Variants in KIF4A observed in about 807,000 individuals in gnomAD.
KIF4A encodes the protein chromosome-associated kinesin KIF4A.
In KIF4A, 7 loss-of-function variants were observed where a neutral mutation model predicts 105.9. The ratio of observed to expected loss-of-function variants is 0.07; its 90% CI spans 0.04 to 0.12. KIF4A has a LOEUF of 0.12. KIF4A is among the 10% of genes least tolerant of loss of function. KIF4A has a pLI of 1.00. For missense variants in KIF4A, 558 were observed against 929.2 expected (o/e 0.60, Z 5.19); for synonymous variants, 281 against 331.3 (o/e 0.85, Z 1.65).
intron 9 of KIF4A, among the ~76,000 whole-genome samples, chrX:70,331,829 G>A (rs182945501): frequency 3.6e-5 from 4 of 112,593 alleles, no homozygotes; most frequent in Admixed American, 1.9e-4. Context: ...CCTGGCTGCT[G>A]TATAGAAATG....
At chrX:70,366,635 T>TCTTTTA (rs1171964965) in intron 15 of KIF4A, among the ~76,000 whole-genome samples, 1 of 112,183 alleles carries the variant, frequency 8.9e-6, no homozygotes, top group Non-Finnish European at 1.9e-5. Flanking sequence ...TAATTTCTGT[T>TCTTTTA]CTTTTACATT....
At chrX:70,309,071 T>C (rs1375407178) in intron 7 of KIF4A, among the ~76,000 whole-genome samples, 1 of 112,454 alleles carries the variant, frequency 8.9e-6, no homozygotes, top group Non-Finnish European at 1.9e-5. Context: ...TAGATAGCCT[T>C]GTACATGATA....
chrX:70,325,456 T>G (rs1041077249), intron 7 of KIF4A, among the ~76,000 whole-genome samples: 1 of 110,856 alleles, frequency 9.0e-6, no homozygotes, highest in African/African-American at 3.3e-5. Flanking sequence ...TTTTGTATTT[T>G]AGGTAGAGGT....
At chrX:70,350,351 G>A (rs2080625124) in intron 13 of KIF4A, among the ~76,000 whole-genome samples, 1 of 111,789 alleles carries the variant, frequency 8.9e-6, no homozygotes, top group Admixed American at 9.4e-5. Context: ...CAGGCTTGGC[G>A]GCGGGTGCCT....
At chrX:70,419,900 A>T in intron 30 of KIF4A, 117 bp downstream of exon 30, 4 of 1,066,592 alleles carry the variant, frequency 3.8e-6, no homozygotes, top group Non-Finnish European at 5.1e-6. Context: ...GCTTGCTGGG[A>T]ACTAGGGATC....
intron 3 of KIF4A, among the ~76,000 whole-genome samples, chrX:70,294,149 T>G (rs1170505373): frequency 1.8e-5 from 2 of 112,094 alleles, no homozygotes; most frequent in African/African-American, 6.5e-5. Flanking sequence ...AACTTTTTGT[T>G]AAAAACTAAG....
At chrX:70,358,679 A>C (rs1325652098) in intron 15 of KIF4A, among the ~76,000 whole-genome samples, 1 of 112,107 alleles carries the variant, frequency 8.9e-6, no homozygotes, top group Non-Finnish European at 1.9e-5. Flanking sequence ...TCTGTCTTTC[A>C]GGTAAGATAC....
intron 7 of KIF4A, among the ~76,000 whole-genome samples, chrX:70,321,295 A>G (rs2085889178): frequency 3.6e-5 from 4 of 112,144 alleles, no homozygotes; most frequent in African/African-American, 1.3e-4. Context: ...AACCATCTAC[A>G]ACATAGCCAC....
chrX:70,310,311 TTGTGTG>T (rs1555945529), intron 7 of KIF4A, among the ~76,000 whole-genome samples: 54 of 86,293 alleles, frequency 6.3e-4, no homozygotes, highest in African/African-American at 1.0e-3. Context: ...CTCAAAATGG[TTGTGTG>T]TGTGTGTGTG....
At chrX:70,316,754 C>T (rs1208639078) in intron 7 of KIF4A, among the ~76,000 whole-genome samples, 1 of 111,706 alleles carries the variant, frequency 9.0e-6, no homozygotes, top group Non-Finnish European at 1.9e-5. Flanking sequence ...AAAGAGTAAC[C>T]ACTGTCCAGA....
At chrX:70,322,922 C>T (rs976016912) in intron 7 of KIF4A, among the ~76,000 whole-genome samples, 2 of 109,842 alleles carry the variant, frequency 1.8e-5, no homozygotes, top group African/African-American at 3.3e-5. Flanking sequence ...AATCAGCAGC[C>T]AGAGTATTCT....
chrX:70,337,395 G>A (rs1393578767), intron 10 of KIF4A, among the ~76,000 whole-genome samples: 1 of 111,747 alleles, frequency 8.9e-6, no homozygotes, highest in Non-Finnish European at 1.9e-5. Flanking sequence ...CATGGGCCAG[G>A]CGTGGTGGCT....
intron 15 of KIF4A, among the ~76,000 whole-genome samples, chrX:70,365,259 G>A (rs1399989246): frequency 9.0e-6 from 1 of 111,392 alleles, no homozygotes; most frequent in Non-Finnish European, 1.9e-5. Flanking sequence ...GATTTCCCTG[G>A]CCAGAACTTC....
In KIF4A at chrX:70,310,768, G is replaced by T. The variant is rs2085846523; in HGVS notation, c.778+8370G>T. ...TATAACATGGAAATTATCTCTGAAGGTTTCTTGAAGATTTGATTTTCTATA... is the reference window on the plus strand; with the variant it reads ...TATAACATGGAAATTATCTCTGAAGTTTTCTTGAAGATTTGATTTTCTATA... On this transcript the variant is annotated intron_variant, in intron 7 of 30. Coordinates refer to ENST00000374403, the MANE Select transcript of KIF4A (RefSeq NM_012310.5). Among the ~76,000 whole-genome samples the T allele has an allele frequency of 2.7e-5, 3 of 111,124 alleles. 1 individual carries two copies. Among genetic ancestry groups the T allele is most frequent in the South Asian group, 7.7e-4 (2 of 2,614 alleles).
Position 70,376,156 on chromosome X carries a change from G to A in KIF4A, c.1980G>A (p.Lys660=). 8.3e-7 allele frequency: 1 copy of A among 1,207,111 alleles called. No individual in the cohort carries two copies. Among genetic ancestry groups the A allele is most frequent in the Non-Finnish European group, 1.1e-6 (1 of 891,514 alleles). ...GTCAAATGAAAGAAGATGCTGAGAA[G>A]TTTAGACAGTGGAAGCAGAAAAAAG... ...LMRQMKEDAE[K]FRQWKQKKDK... is the part of the protein sequence containing the mutation. Residue 660 remains lysine, a synonymous_variant, in exon 18 of 31, where the codon AAG becomes AAA. Coordinates refer to ENST00000374403, the MANE Select transcript of KIF4A (RefSeq NM_012310.5).
intron 15 of KIF4A, among the ~76,000 whole-genome samples, chrX:70,373,843 CACAT>C (rs1276417625): frequency 1.5e-4 from 14 of 94,878 alleles, no homozygotes; most frequent in African/African-American, 4.2e-4. Context: ...CACACACACA[CACAT>C]ACACACACAC....
At chrX:70,306,734 CT>C in intron 7 of KIF4A, among the ~76,000 whole-genome samples, 1 of 110,750 alleles carries the variant, frequency 9.0e-6, no homozygotes, top group East Asian at 2.8e-4. Flanking sequence ...AGAGACGGGA[CT>C]TCACCATGTT....
At chrX:70,309,703 A>C (rs1346961801) in intron 7 of KIF4A, among the ~76,000 whole-genome samples, 2 of 112,526 alleles carry the variant, frequency 1.8e-5, no homozygotes, top group African/African-American at 6.5e-5. Flanking sequence ...CATATCAATC[A>C]CCTCATGTAG....
At chrX:70,296,926 G>A in intron 3 of KIF4A, 72 bp from the exon 4 acceptor site, 1 of 1,030,076 alleles carries the variant, frequency 9.7e-7, no homozygotes. Context: ...AATAATTGCT[G>A]AAGGAAATGG....
Sources: allele counts gnomAD v4.1 joint callset (sites outside exome capture counted in the v4.1 genomes callset), GRCh38; gene constraint gnomAD v4.1.1; transcripts MANE v1.5; gene names NCBI Gene and HGNC (gene_info 2026-07-23, HGNC 2026-07-21).